The following MTMR8 variants were observed in gnomAD, a reference collection of about 807,000 sequenced individuals.
MTMR8 encodes the protein myotubularin related protein 8.
A neutral mutation model predicts 39.3 loss-of-function variants in MTMR8; 65 were observed. That is an observed-to-expected ratio of 1.65 (90% CI 1.35 to 2.03). MTMR8 has a LOEUF of 2.03. Ranked by LOEUF, MTMR8 falls within the 30% of genes most tolerant of loss-of-function variation. The probability of loss-of-function intolerance (pLI) is 0.00; values close to 1 mark genes in which losing one functional copy is unlikely to be tolerated. For missense variants in MTMR8, 777 were observed against 538.9 expected (o/e 1.44, Z -4.37); for synonymous variants, 245 against 185.2 (o/e 1.32, Z -2.62).
intron 12 of MTMR8, chrX:64,304,939 C>T (rs1313207082): frequency 1.9e-4 from 15 of 79,333 alleles, no homozygotes; most frequent in African/African-American, 5.7e-4. Flanking sequence ...CATATACACA[C>T]ATATATGTAT....
At chrX:64,394,823 C>T (rs180795921) in intron 1 of MTMR8, among the ~76,000 whole-genome samples, 1 of 112,317 alleles carries the variant, frequency 8.9e-6, no homozygotes, top group East Asian at 2.8e-4. Flanking sequence ...CTGTGGCCCC[C>T]ACAAACCCTC....
intron 12 of MTMR8, among the ~76,000 whole-genome samples, chrX:64,295,261 C>A (rs868144483): frequency 3.3e-4 from 36 of 110,689 alleles, no homozygotes; most frequent in African/African-American, 1.1e-3. Flanking sequence ...CACACACACA[C>A]AAAATTGTTT....
chrX:64,308,131 C>T (rs1362466933), intron 12 of MTMR8, among the ~76,000 whole-genome samples: 2 of 108,958 alleles, frequency 1.8e-5, no homozygotes, highest in East Asian at 2.8e-4. Context: ...TGCACATGTG[C>T]CCTAAAACTT....
chrX:64,275,688 T>C (rs1177004786), intron 12 of MTMR8, among the ~76,000 whole-genome samples: 2 of 108,882 alleles, frequency 1.8e-5, no homozygotes, highest in South Asian at 3.9e-4. Flanking sequence ...AAGAAGTGTT[T>C]ATTTTTTGGA....
chrX:64,349,597 G>T (rs767253904), intron 5 of MTMR8, among the ~76,000 whole-genome samples: 1 of 111,322 alleles, frequency 9.0e-6, no homozygotes, highest in Admixed American at 9.5e-5. Flanking sequence ...AAGGATATCT[G>T]TATTCTACTG....
intron 10 of MTMR8, among the ~76,000 whole-genome samples, chrX:64,333,879 T>C (rs1449068435): frequency 2.7e-5 from 3 of 111,767 alleles, no homozygotes; most frequent in Non-Finnish European, 5.6e-5. Context: ...CTTGAGATTC[T>C]CCTCTCTTAT....
chrX:64,316,930 G>A (rs1044786148), intron 12 of MTMR8, among the ~76,000 whole-genome samples: 1 of 108,385 alleles, frequency 9.2e-6, no homozygotes, highest in Non-Finnish European at 1.9e-5. Flanking sequence ...GGCCAACATA[G>A]CAAAATCCCG....
At chrX:64,270,172 G>A (rs1318304991) in intron 13 of MTMR8, among the ~76,000 whole-genome samples, 1 of 111,376 alleles carries the variant, frequency 9.0e-6, no homozygotes, top group African/African-American at 3.3e-5. Flanking sequence ...TAAAAAAAAT[G>A]GAACCAAGTA....
chrX:64,275,696 G>A (rs1321322617), intron 12 of MTMR8, among the ~76,000 whole-genome samples: 3 of 105,388 alleles, frequency 2.8e-5, no homozygotes, highest in African/African-American at 6.9e-5. Flanking sequence ...TTTATTTTTT[G>A]GAAAAAAATA....
chrX:64,382,318 C>T (rs1288033116), intron 1 of MTMR8, among the ~76,000 whole-genome samples: 5 of 111,639 alleles, frequency 4.5e-5, no homozygotes, highest in African/African-American at 6.5e-5. Flanking sequence ...AGGTCCTTCA[C>T]GTCCCTTGTA....
intron 4 of MTMR8, 82 bp downstream of exon 4, chrX:64,354,695 C>T (rs964930338): frequency 3.4e-5 from 33 of 971,945 alleles, no homozygotes; most frequent in Middle Eastern, 2.7e-4. Flanking sequence ...AGTCATTTCT[C>T]TCTTTTTTCA....
At position 64,268,603 on chromosome X, in the gene MTMR8, G is replaced by A. The variant is rs771239686; in HGVS notation, c.2049C>T (p.Gly683=). The A allele has an allele frequency of 1.7e-6, 2 of 1,211,385 alleles. No individual in the cohort carries two copies. Among genetic ancestry groups the A allele is most frequent in the African/African-American group, 1.7e-5 (1 of 57,716 alleles). The change falls in exon 14 of 14, where the codon GGC becomes GGT. Residue 683 remains glycine (G), a synonymous_variant. Coordinates refer to ENST00000374852, the MANE Select transcript of MTMR8 (RefSeq NM_017677.4). ...TGGAGATGCCTGTGTCCCCCAAGAT[G>A]CCCATGTCCCCAGAGAAACCCCTGG... The part of the protein sequence containing the change: ...SEARGFSGDM[G]ILGDTGISKA...
At chrX:64,321,992 C>A (rs1922659668) in intron 12 of MTMR8, among the ~76,000 whole-genome samples, 1 of 110,761 alleles carries the variant, frequency 9.0e-6, no homozygotes, top group Non-Finnish European at 1.9e-5. Flanking sequence ...ATTCTTGTAT[C>A]CTTGGGATGA....
At chrX:64,323,402 A>C (rs1259138693) in intron 12 of MTMR8, among the ~76,000 whole-genome samples, 1 of 112,295 alleles carries the variant, frequency 8.9e-6, no homozygotes, top group Non-Finnish European at 1.9e-5. Flanking sequence ...CTAACACCAG[A>C]GTACCCAAGT....
At chrX:64,352,473 A>G (rs1292663386) in intron 4 of MTMR8, among the ~76,000 whole-genome samples, 1 of 111,755 alleles carries the variant, frequency 8.9e-6, no homozygotes. Context: ...ACATTCCCAG[A>G]TGTCCATATT....
At chrX:64,356,898 G>A (rs1923640760) in intron 2 of MTMR8, among the ~76,000 whole-genome samples, 1 of 110,805 alleles carries the variant, frequency 9.0e-6, no homozygotes, top group African/African-American at 3.3e-5. Context: ...GGCACAAACA[G>A]AATTTGAACC....
intron 1 of MTMR8, among the ~76,000 whole-genome samples, chrX:64,371,747 A>G (rs1253631501): frequency 2.7e-5 from 3 of 111,211 alleles, no homozygotes; most frequent in Non-Finnish European, 5.7e-5. Flanking sequence ...TGCCAATAAT[A>G]GGAGAAAACT....
chrX:64,281,794 C>T (rs1932020101), intron 12 of MTMR8, among the ~76,000 whole-genome samples: 1 of 110,246 alleles, frequency 9.1e-6, no homozygotes, highest in African/African-American at 3.3e-5. Flanking sequence ...TTGCAATCTA[C>T]CCATCTGACA....
At chrX:64,333,858 C>T (rs2147222414) in intron 10 of MTMR8, among the ~76,000 whole-genome samples, 1 of 111,842 alleles carries the variant, frequency 8.9e-6, no homozygotes, top group African/African-American at 3.2e-5. Context: ...TATGACACTG[C>T]TGACTACTCC....
Sources: gnomAD v4.1 joint callset for allele counts (sites outside exome capture counted in the v4.1 genomes callset) on GRCh38, gnomAD v4.1.1 for gene constraint, MANE v1.5 for transcripts, NCBI Gene and HGNC (gene_info 2026-07-23, HGNC 2026-07-21) for gene names.